CALB2: variants seen among roughly 807,000 people sequenced by gnomAD.
CALB2 encodes calbindin 2.
Under a neutral mutation model 45.9 loss-of-function variants are expected in CALB2, and 34 were observed. The ratio of observed to expected loss-of-function variants is 0.74; its 90% CI spans 0.56 to 0.99. The LOEUF (loss-of-function observed/expected upper bound fraction) is 0.99, where lower values mean the gene tolerates loss of function less well. Ranked by LOEUF, CALB2 falls within the 50% of genes least tolerant of loss-of-function variation. The probability of loss-of-function intolerance (pLI) is 0.00; values close to 1 mark genes in which losing one functional copy is unlikely to be tolerated. For synonymous variants in CALB2, 142 were observed against 129.6 expected, an observed-to-expected ratio of 1.10 and a Z score of -0.65; for missense variants, 344 against 339.3, an observed-to-expected ratio of 1.01 and a Z score of -0.11.
At chr16:71,364,438 AAT>A in intron 1 of CALB2, among the ~76,000 whole-genome samples, 1 of 152,356 alleles carries the variant, frequency 6.6e-6, no homozygotes, top group Non-Finnish European at 1.5e-5. Flanking sequence ...AGCTAGAATT[AAT>A]AGAGCAGGCC....
intron 1 of CALB2, among the ~76,000 whole-genome samples, chr16:71,359,220 C>T (rs1379421032): frequency 2.0e-5 from 3 of 152,250 alleles, no homozygotes. Flanking sequence ...CTGCCTTCAG[C>T]TGCTCCAGCC....
chr16:71,369,801 C>G (rs2042327120), intron 1 of CALB2, among the ~76,000 whole-genome samples: 1 of 152,196 alleles, frequency 6.6e-6, no homozygotes, highest in Non-Finnish European at 1.5e-5. Context: ...ACTTTGCCTT[C>G]TCAGTTGAGA....
intron 3 of CALB2, 51 bp from the exon 4 acceptor site, chr16:71,377,616 T>C: frequency 7.5e-7 from 1 of 1,329,702 alleles, no homozygotes; most frequent in Non-Finnish European, 1.1e-6. Context: ...TCTGCTCTGC[T>C]CCCTGTCAAG....
intron 9 of CALB2, 69 bp from the exon 10 acceptor site, chr16:71,385,508 C>T: frequency 7.2e-7 from 1 of 1,392,232 alleles, no homozygotes; most frequent in Non-Finnish European, 1.0e-6. Flanking sequence ...CTTAGACATC[C>T]CTGGAATGGG....
chr16:71,381,995 A>G (rs1428015306), intron 4 of CALB2, among the ~76,000 whole-genome samples: 2 of 132,578 alleles, frequency 1.5e-5, no homozygotes, highest in East Asian at 5.2e-4. Flanking sequence ...CCTGGGTGAC[A>G]GAGTGAGACC....
At chr16:71,389,319 G>A (rs1183142271) in intron 10 of CALB2, among the ~76,000 whole-genome samples, 2 of 152,208 alleles carry the variant, frequency 1.3e-5, no homozygotes, top group Admixed American at 1.3e-4. Context: ...AGCCAGTTTG[G>A]CCTTGAGTTA....
At chr16:71,359,706 G>C (rs2042219184) in intron 1 of CALB2, among the ~76,000 whole-genome samples, 1 of 152,216 alleles carries the variant, frequency 6.6e-6, no homozygotes, top group South Asian at 2.1e-4. Flanking sequence ...CCAAGTGTCT[G>C]TGGTGGTCTG....
Position 71,384,330 on chromosome 16 carries a change from T to A in CALB2, c.534-9T>A, listed in dbSNP as rs754409193. On this transcript the variant is annotated splice_polypyrimidine_tract_variant and intron_variant, in intron 7 of 10. Coordinates refer to ENST00000302628, the MANE Select transcript of CALB2 (RefSeq NM_001740.5). ...TCTCCTCATCTCTGCTCTAACATTT[T>A]CTCCCCAGACTCCTGCCTGTCCAGG... is the stretch of plus-strand genomic sequence containing the variant. 4 of 1,612,760 alleles carry A rather than the reference T, an allele frequency of 2.5e-6. No homozygotes were observed. The highest frequency in any genetic ancestry group is 8.5e-7 in the Non-Finnish European group (1 of 1,179,288).
chr16:71,366,024 C>CTTTTTTTT lies in CALB2; in HGVS notation c.95-6116_95-6109dup. 5.1e-4 allele frequency among the ~76,000 whole-genome samples: 23 copies of CTTTTTTTT among 45,048 alleles called. 1 individual carries two copies. The highest frequency in any genetic ancestry group is 2.1e-3 in the African/African-American group (22 of 10,412). 29.6% of individuals were successfully genotyped at this position (45,048 alleles called of 152,430 possible). ...TCTTTGTTTTCTTCCCTCTCTCTCT[C>CTTTTTTTT]TTTTTTTTTTTTTTTTTTTTGAGAT... On this transcript the variant is annotated intron_variant, in intron 1 of 10. Transcript: ENST00000302628.
At chr16:71,384,921 C>G in intron 9 of CALB2, 85 bp downstream of exon 9, 1 of 1,171,920 alleles carries the variant, frequency 8.5e-7, no homozygotes, top group Non-Finnish European at 1.3e-6. Context: ...TGGGAAGAGA[C>G]AGCTTTCCAG....
chr16:71,383,309 A>G, intron 5 of CALB2, 58 bp from the exon 6 acceptor site: 1 of 1,471,542 alleles, frequency 6.8e-7, no homozygotes, highest in Non-Finnish European at 9.5e-7. Flanking sequence ...AAGTAAGGAA[A>G]TGAATGAGGG....
chr16:71,375,238 C>T (rs1207262188), intron 3 of CALB2, among the ~76,000 whole-genome samples: 1 of 152,206 alleles, frequency 6.6e-6, no homozygotes, highest in Non-Finnish European at 1.5e-5. Flanking sequence ...TAATTCACAT[C>T]AGTAATTTAC....
chr16:71,386,852 C>A (rs2042576594), intron 10 of CALB2, among the ~76,000 whole-genome samples: 1 of 152,170 alleles, frequency 6.6e-6, no homozygotes, highest in African/African-American at 2.4e-5. Flanking sequence ...TAAATATCAT[C>A]CTTCATTTAT....
intron 10 of CALB2, among the ~76,000 whole-genome samples, chr16:71,386,046 T>C (rs1005593830): frequency 1.3e-5 from 2 of 152,222 alleles, no homozygotes; most frequent in Non-Finnish European, 2.9e-5. Context: ...CTCTACTTTC[T>C]GCCTCTGTAA....
chr16:71,369,891 C>T (rs1346546900), intron 1 of CALB2, among the ~76,000 whole-genome samples: 3 of 152,144 alleles, frequency 2.0e-5, no homozygotes, highest in Admixed American at 6.5e-5. Context: ...CTCATTCTTC[C>T]AACTCAGAGC....
intron 4 of CALB2, among the ~76,000 whole-genome samples, chr16:71,382,016 AGAGGAGGAGGAG>A (rs67417266): frequency 1.0e-4 from 9 of 86,514 alleles, no homozygotes; most frequent in Non-Finnish European, 1.3e-4. Flanking sequence ...CTGTCTCAAA[AGAGGAGGAGGAG>A]GAGGAGGAGG....
At chr16:71,388,104 A>G (rs905320504) in intron 10 of CALB2, among the ~76,000 whole-genome samples, 1 of 152,214 alleles carries the variant, frequency 6.6e-6, no homozygotes, top group Non-Finnish European at 1.5e-5. Context: ...TATTAGCAGA[A>G]TGGAGATAAT....
At chr16:71,362,269 A>G (rs9934519) in intron 1 of CALB2, among the ~76,000 whole-genome samples, 64,947 of 152,072 alleles carry the variant, frequency 0.43, 14,137 homozygotes, top group Admixed American at 0.53. Flanking sequence ...CTCCTATTTT[A>G]CTGACCATCT....
chr16:71,385,407 C>T, intron 9 of CALB2, 170 bp from the exon 10 acceptor site: 2 of 507,264 alleles, frequency 3.9e-6, no homozygotes, highest in Non-Finnish European at 7.0e-6. Context: ...CACCTTCCTG[C>T]CATGACTGGT....
Sources: gnomAD v4.1 joint callset for allele counts (sites outside exome capture counted in the v4.1 genomes callset) on GRCh38, gnomAD v4.1.1 for gene constraint, MANE v1.5 for transcripts, NCBI Gene and HGNC (gene_info 2026-07-23, HGNC 2026-07-21) for gene names.